The following RMDN3 variants were observed in gnomAD, a reference collection of about 807,000 sequenced individuals.
RMDN3 encodes the protein regulator of microtubule dynamics 3.
A neutral mutation model predicts 61.8 loss-of-function variants in RMDN3; 41 were observed. That is an observed-to-expected ratio of 0.66 (90% CI 0.52 to 0.86). The LOEUF (loss-of-function observed/expected upper bound fraction) is 0.86. Ranked by LOEUF, RMDN3 falls within the 40% of genes least tolerant of loss-of-function variation. The pLI, the probability that RMDN3 is intolerant of heterozygous loss-of-function variation, is 0.00. For synonymous variants in RMDN3, 247 were observed against 232.0 expected (o/e 1.06, Z -0.59); for missense variants, 557 against 585.3 (o/e 0.95, Z 0.50).
At chr15:40,740,751 G>A (rs1403819366) in intron 6 of RMDN3, among the ~76,000 whole-genome samples, 1 of 152,078 alleles carries the variant, frequency 6.6e-6, no homozygotes, top group Non-Finnish European at 1.5e-5. Context: ...TTTTTATAAT[G>A]CCCACCTGAT....
intron 4 of RMDN3, among the ~76,000 whole-genome samples, chr15:40,748,043 G>A (rs1380229092): frequency 6.6e-6 from 1 of 152,174 alleles, no homozygotes; most frequent in Non-Finnish European, 1.5e-5. Flanking sequence ...TTCTGACAGA[G>A]GGAACTCAAG....
At position 40,740,117 on chromosome 15, in the gene RMDN3, T is replaced by C; in HGVS notation, c.971+16A>G. 1 of 1,574,874 alleles carries C rather than the reference T, an allele frequency of 6.3e-7. No individual in the cohort carries two copies. The highest frequency in any genetic ancestry group is 8.7e-7 in the Non-Finnish European group (1 of 1,145,472). ...CCCTTGCTGGCTCTTCCCAGAACAC[T>C]GCAGGGTGTTATTACCACAGGTGAC... On this transcript the variant is annotated intron_variant, in intron 7 of 12. Transcript: ENST00000338376.
At chr15:40,738,380 TC>T in intron 8 of RMDN3, 120 bp downstream of exon 8, 1 of 801,920 alleles carries the variant, frequency 1.2e-6, no homozygotes, top group Non-Finnish European at 2.0e-6. Context: ...AGACTCTGTC[TC>T]AAAAAAAAAG....
chr15:40,751,068 A>G (rs1390026905), intron 4 of RMDN3, among the ~76,000 whole-genome samples: 1 of 152,222 alleles, frequency 6.6e-6, no homozygotes, highest in Non-Finnish European at 1.5e-5. Context: ...ACTCCCAGGG[A>G]GGAGCATGCT....
Position 40,736,219 on chromosome 15 carries a change from T to C in RMDN3, c.*322A>G. The C allele has an allele frequency of 2.8e-6, 1 of 351,290 alleles. No homozygotes were observed. Among genetic ancestry groups the C allele is most frequent in the Non-Finnish European group, 5.1e-6 (1 of 195,514 alleles). The allele number at this position is 351,290 out of a possible 1,614,324, so 21.8% of individuals were successfully genotyped here. On this transcript the variant is annotated 3_prime_UTR_variant, in exon 13 of 13. Coordinates refer to ENST00000338376, the MANE Select transcript of RMDN3 (RefSeq NM_018145.3). ...TTTGTTCCTATAGCTTTGAAGTTCATCCACCTCACCAGCAATTGGAAGGTC... is the reference window on the plus strand; with the variant it reads ...TTTGTTCCTATAGCTTTGAAGTTCACCCACCTCACCAGCAATTGGAAGGTC...
intron 9 of RMDN3, 117 bp downstream of exon 9, chr15:40,737,848 A>G: frequency 6.9e-7 from 1 of 1,447,466 alleles, no homozygotes; most frequent in Non-Finnish European, 9.7e-7. Context: ...TAATACGAGC[A>G]TTCAGAAGAA....
At chr15:40,741,776 G>T (rs1344362462) in intron 6 of RMDN3, among the ~76,000 whole-genome samples, 1 of 151,560 alleles carries the variant, frequency 6.6e-6, no homozygotes, top group Non-Finnish European at 1.5e-5. Context: ...TTACAGGTGT[G>T]TGCCACCACA....
chr15:40,747,985 T>C (rs781654548), intron 4 of RMDN3, among the ~76,000 whole-genome samples: 1 of 152,180 alleles, frequency 6.6e-6, no homozygotes, highest in Non-Finnish European at 1.5e-5. Context: ...TTGGCTGAGA[T>C]GCCTGGGAAG....
At chr15:40,746,323 G>A (rs1045492078) in intron 4 of RMDN3, among the ~76,000 whole-genome samples, 4 of 152,022 alleles carry the variant, frequency 2.6e-5, no homozygotes, top group Non-Finnish European at 4.4e-5. Context: ...AGACCATCCT[G>A]GCTAACACGG....
chr15:40,753,004 ACTTT>A (rs1897892262), intron 2 of RMDN3, among the ~76,000 whole-genome samples: 1 of 152,228 alleles, frequency 6.6e-6, no homozygotes, highest in South Asian at 2.1e-4. Context: ...CAATGTGGCC[ACTTT>A]CTTCTAATCT....
intron 5 of RMDN3, 146 bp downstream of exon 5, chr15:40,744,831 G>A: frequency 1.1e-6 from 1 of 874,536 alleles, no homozygotes; most frequent in Non-Finnish European, 1.7e-6. Context: ...CTGGGGGACA[G>A]ATGCAAAACC....
At chr15:40,749,677 T>C (rs11070293) in intron 4 of RMDN3, among the ~76,000 whole-genome samples, 76,004 of 152,108 alleles carry the variant, frequency 0.5, 19,731 homozygotes, top group East Asian at 0.77. Context: ...AGATGTTCTT[T>C]ACATCTCAGT....
chr15:40,744,072 G>A lies in RMDN3; in HGVS notation c.885C>T (p.Ser295=), dbSNP rs199751632. The change falls in exon 6 of 13, where the codon AGC becomes AGT. Residue 295 remains serine, a synonymous_variant. Coordinates refer to ENST00000338376, the MANE Select transcript of RMDN3 (RefSeq NM_018145.3). ...SDMCELTEEV[S]EKKSYALDGK... is the part of the protein sequence containing the mutation. The stretch of plus-strand genomic sequence containing the variant: ...CATCTAGGGCATATGACTTCTTCTC[G>A]CTCACCTCCTCAGTGAGCTCACACA... 6.6e-5 allele frequency: 106 copies of A among 1,613,076 alleles called. No individual in the cohort carries two copies. Among genetic ancestry groups the A allele is most frequent in the Non-Finnish European group, 8.5e-5 (100 of 1,179,816 alleles).
At position 40,737,308 on chromosome 15, in the gene RMDN3, C is replaced by T. The variant is rs541593706; in HGVS notation, c.1258G>A (p.Gly420Arg). Residue 420 changes from glycine (G) to arginine (R), a missense_variant, in exon 11 of 13, where the codon GGA (glycine) becomes AGA (arginine). Gly to Arg is a moderately radical substitution (Grantham distance 125). Coordinates refer to ENST00000338376, the MANE Select transcript of RMDN3 (RefSeq NM_018145.3). ...TTTACCTTGGAAATATATACCCTTCCTGCTTTGGAAAATCCTGGCTGTAGT... is the reference window on the plus strand; with the variant it reads ...TTTACCTTGGAAATATATACCCTTCTTGCTTTGGAAAATCCTGGCTGTAGT... ...EELQPGFSKA[G>R]RVYISKCYRE... 6.2e-7 allele frequency: 1 copy of T among 1,614,066 alleles called. No individual in the cohort carries two copies. The highest frequency in any genetic ancestry group is 1.3e-5 in the African/African-American group (1 of 75,036).
intron 10 of RMDN3, 97 bp from the exon 11 acceptor site, chr15:40,737,438 T>C: frequency 2.4e-6 from 3 of 1,264,358 alleles, no homozygotes; most frequent in Non-Finnish European, 3.5e-6. Context: ...ACCATGTGGC[T>C]GATTCAGTGG....
Position 40,752,040 on chromosome 15 carries a change from T to A in RMDN3, c.326A>T (p.Glu109Val), listed in dbSNP as rs749254527. Residue 109 changes from glutamate (E) to valine (V), a missense_variant, in exon 3 of 13, where the codon GAG (glutamate) becomes GTG (valine). By Grantham distance (121) the Glu-to-Val change is moderately radical (BLOSUM62 -2). Coordinates refer to ENST00000338376, the MANE Select transcript of RMDN3 (RefSeq NM_018145.3). ...CCCTCGCAGGCTGCTTCTCAGCTCCTCCACCTCCCGCCGCAGCGCCACAAG... is the reference window on the plus strand; with the variant it reads ...CCCTCGCAGGCTGCTTCTCAGCTCCACCACCTCCCGCCGCAGCGCCACAAG... ...TSLVALRREV[E>V]ELRSSLRGLA... 2 of 1,614,028 alleles carry A rather than the reference T, an allele frequency of 1.2e-6. No individual in the cohort carries two copies. The highest frequency in any genetic ancestry group is 1.7e-6 in the Non-Finnish European group (2 of 1,180,012).
At chr15:40,749,487 C>T (rs1428105008) in intron 4 of RMDN3, among the ~76,000 whole-genome samples, 2 of 152,200 alleles carry the variant, frequency 1.3e-5, no homozygotes, top group African/African-American at 4.8e-5. Flanking sequence ...GGAACTCCAG[C>T]CTGGGCAACA....
intron 4 of RMDN3, among the ~76,000 whole-genome samples, chr15:40,750,417 G>A (rs191592163): frequency 1.7e-3 from 255 of 151,482 alleles, no homozygotes; most frequent in Non-Finnish European, 2.6e-3. Flanking sequence ...ACAGGGTTTC[G>A]ACATGTTGGC....
intron 4 of RMDN3, among the ~76,000 whole-genome samples, chr15:40,747,122 T>C (rs905460905): frequency 2.0e-5 from 3 of 152,180 alleles, no homozygotes; most frequent in Non-Finnish European, 4.4e-5. Context: ...CTCCCTTTGC[T>C]AGAAGGAGGG....
Sources: allele counts gnomAD v4.1 joint callset (sites outside exome capture counted in the v4.1 genomes callset), GRCh38; gene constraint gnomAD v4.1.1; transcripts MANE v1.5; gene names NCBI Gene and HGNC (gene_info 2026-07-23, HGNC 2026-07-21).